The following NUP58 variants were observed in gnomAD, a reference collection of about 807,000 sequenced individuals.
NUP58 encodes nucleoporin 58.
In NUP58, 17 loss-of-function variants were observed where a neutral mutation model predicts 70.1. The ratio of observed to expected loss-of-function variants is 0.24; its 90% CI spans 0.17 to 0.36. NUP58 has a LOEUF of 0.36. Among genes scored for constraint, NUP58 ranks in the 10% least tolerant of loss-of-function variants. The pLI is 1.00. For missense variants in NUP58, 644 were observed against 701.5 expected, an observed-to-expected ratio of 0.92 and a Z score of 0.93; for synonymous variants, 275 against 257.6, an observed-to-expected ratio of 1.07 and a Z score of -0.65.
At chr13:25,325,429 A>G (rs1250884142) in intron 10 of NUP58, among the ~76,000 whole-genome samples, 1 of 152,218 alleles carries the variant, frequency 6.6e-6, no homozygotes, top group Non-Finnish European at 1.5e-5. Context: ...GAAAATATAC[A>G]TAAGTAGAAG....
At position 25,340,343 on chromosome 13, in the gene NUP58, A is replaced by G; in HGVS notation, c.*209A>G. The G allele has an allele frequency of 2.2e-6, 1 of 455,780 alleles. No individual in the cohort carries two copies. The highest frequency in any genetic ancestry group is 3.8e-6 in the Non-Finnish European group (1 of 266,550). 28.2% of individuals were successfully genotyped at this position (455,780 alleles called of 1,614,324 possible). A position where few individuals can be genotyped will look rare whatever the true frequency, so the allele number is the denominator to read the frequency against. On this transcript the variant is annotated 3_prime_UTR_variant, in exon 16 of 16. Transcript: ENST00000381736. ...TAAAGTCCAGCTGTGTTTTCTTTTT[A>G]ATTTGATTCTCAGTGTAAGAAATGT... is the stretch of plus-strand genomic sequence containing the variant.
In NUP58 at chr13:25,313,653, C is replaced by T. The variant is rs1398054064; in HGVS notation, c.476C>T (p.Thr159Ile). 6.6e-7 allele frequency: 1 copy of T among 1,526,394 alleles called. No individual in the cohort carries two copies. The highest frequency in any genetic ancestry group is 2.6e-5 in the Admixed American group (1 of 38,398). 94.6% of individuals were successfully genotyped at this position (1,526,394 alleles called of 1,614,324 possible). A position where few individuals can be genotyped will look rare whatever the true frequency, so the allele number is the denominator to read the frequency against. The change falls in exon 5 of 16, where the codon ACA (threonine) becomes ATA (isoleucine). Residue 159 changes from threonine to isoleucine, a missense_variant. Transcript: ENST00000381736. The part of the protein sequence containing the change: ...GFTLNNLGGT[T>I]ATTTTASTGL... ...ACTCTAAATAATTTGGGTGGGACAA[C>T]AGCCACAACTACAACTGCATCAACA...
At chr13:25,344,528 G>GT (rs1373041167), downstream of NUP58, among the ~76,000 whole-genome samples, 2 of 152,068 alleles carry the variant, frequency 1.3e-5, no homozygotes, top group African/African-American at 4.8e-5. Context: ...CTTTTTGTTT[G>GT]TTTTTGTGTG....
At position 25,307,846 on chromosome 13, in the gene NUP58, A is replaced by T; in HGVS notation, c.148A>T (p.Thr50Ser). 1 of 1,614,182 alleles carries T rather than the reference A, an allele frequency of 6.2e-7. No homozygotes were observed. Among genetic ancestry groups the T allele is most frequent in the African/African-American group, 1.3e-5 (1 of 75,042 alleles). Reference protein sequence around the residue: ...VGLNFGNLGSTSTPATTSAPS... With the variant: ...VGLNFGNLGSSSTPATTSAPS... ...GCTCAATTTTGGAAATCTTGGAAGT[A>T]CTTCAACTCCAGCAACTACATCTGC... The change falls in exon 2 of 16, where the codon ACT becomes TCT. Residue 50 changes from threonine to serine, a missense_variant. By Grantham distance (58) the Thr-to-Ser change is moderately conservative. Transcript: ENST00000381736.
At chr13:25,342,846 C>T (rs2031992775), downstream of NUP58, among the ~76,000 whole-genome samples, 1 of 151,884 alleles carries the variant, frequency 6.6e-6, no homozygotes, top group African/African-American at 2.4e-5. Flanking sequence ...ACTTTTTTAA[C>T]AAATAGGTTA....
At chr13:25,331,635 T>C in intron 13 of NUP58, 77 bp downstream of exon 13, 2 of 1,535,904 alleles carry the variant, frequency 1.3e-6, no homozygotes, top group South Asian at 2.4e-5. Flanking sequence ...AGTCTTCCAT[T>C]TGTGTGAGCA....
At chr13:25,323,478 T>C (rs1231275075) in intron 9 of NUP58, among the ~76,000 whole-genome samples, 2 of 152,156 alleles carry the variant, frequency 1.3e-5, no homozygotes, top group Non-Finnish European at 1.5e-5. Context: ...GATCTAAGAT[T>C]ACTCTAATGT....
chr13:25,318,395 G>A (rs2031035747), intron 6 of NUP58, among the ~76,000 whole-genome samples: 1 of 151,946 alleles, frequency 6.6e-6, no homozygotes, highest in South Asian at 2.1e-4. Context: ...CCAATTCCTG[G>A]GTTCAAGCAG....
intron 1 of NUP58, among the ~76,000 whole-genome samples, chr13:25,305,144 T>TGTTGG (rs375797248): frequency 8.4e-6 from 1 of 119,176 alleles, no homozygotes; most frequent in African/African-American, 3.8e-5. Context: ...TTTTTTTTTT[T>TGTTGG]TTTTTTTTTT....
intron 14 of NUP58, among the ~76,000 whole-genome samples, chr13:25,337,344 T>G (rs778584021): frequency 3.9e-5 from 6 of 152,154 alleles, no homozygotes; most frequent in Non-Finnish European, 7.4e-5. Flanking sequence ...ATTAAAAATC[T>G]TAAAATTAAT....
At chr13:25,302,502 G>A (rs936542984) in intron 1 of NUP58, among the ~76,000 whole-genome samples, 3 of 152,200 alleles carry the variant, frequency 2.0e-5, no homozygotes, top group African/African-American at 4.8e-5. Context: ...AACTCAATTT[G>A]TCTTTTACTT....
chr13:25,309,704 A>T (rs2030555762), intron 3 of NUP58, among the ~76,000 whole-genome samples: 1 of 152,238 alleles, frequency 6.6e-6, no homozygotes, highest in South Asian at 2.1e-4. Context: ...ATCCAAAGAC[A>T]TAATACTTTC....
chr13:25,319,108 A>G (rs2031069354), intron 6 of NUP58, among the ~76,000 whole-genome samples: 1 of 152,218 alleles, frequency 6.6e-6, no homozygotes, highest in Non-Finnish European at 1.5e-5. Flanking sequence ...GTATATGTAC[A>G]TCTGCCATAT....
chr13:25,316,755 A>G (rs2030948694), intron 6 of NUP58, among the ~76,000 whole-genome samples: 1 of 152,196 alleles, frequency 6.6e-6, no homozygotes, highest in South Asian at 2.1e-4. Flanking sequence ...AGGCTCAAAG[A>G]GCAGGCTAAG....
intron 15 of NUP58, among the ~76,000 whole-genome samples, chr13:25,339,761 A>G (rs774468628): frequency 1.3e-5 from 2 of 152,176 alleles, no homozygotes; most frequent in East Asian, 1.9e-4. Flanking sequence ...CTGCATCACT[A>G]CACTCTCTTT....
chr13:25,307,276 A>C (rs1312383111), intron 1 of NUP58, among the ~76,000 whole-genome samples: 2 of 130,852 alleles, frequency 1.5e-5, no homozygotes, highest in East Asian at 4.9e-4. Flanking sequence ...GTGCAGTGAC[A>C]CTATCTCAGC....
chr13:25,307,403 A>G (rs537769674), intron 1 of NUP58, among the ~76,000 whole-genome samples: 16 of 151,878 alleles, frequency 1.1e-4, no homozygotes, highest in African/African-American at 3.6e-4. Context: ...TTTGGAAGAG[A>G]CGAGGTTTCA....
chr13:25,332,888 T>C (rs1419084394), intron 13 of NUP58: 2 of 985,394 alleles, frequency 2.0e-6, no homozygotes, highest in Middle Eastern at 1.0e-3. Flanking sequence ...GACCATCAGC[T>C]CTCATGATTA....
Position 25,312,906 on chromosome 13 carries a change from G to T in NUP58, c.310G>T (p.Ala104Ser). The change falls in exon 4 of 16, where the codon GCT becomes TCT. Residue 104 changes from alanine (A) to serine (S), a missense_variant. This residue lies in a region of NUP58 where 430 missense variants were observed against 409.2 expected (regional missense o/e 1.05). Coordinates refer to ENST00000381736, the MANE Select transcript of NUP58 (RefSeq NM_014089.4). ...AGGAACGCCAGCCACTACATCTGCA[G>T]CTACAACAGGCTTCAGTTTAGGATT... ...TLGTPATTSA[A>S]TTGFSLGFNK... The T allele has an allele frequency of 6.2e-7, 1 of 1,612,966 alleles. No homozygotes were observed. The highest frequency in any genetic ancestry group is 8.5e-7 in the Non-Finnish European group (1 of 1,179,442).
Sources: allele counts gnomAD v4.1 joint callset (sites outside exome capture counted in the v4.1 genomes callset), GRCh38; gene constraint gnomAD v4.1.1; regional missense constraint gnomAD v4.1.1; transcripts MANE v1.5; gene names NCBI Gene and HGNC (gene_info 2026-07-23, HGNC 2026-07-21).